ROR2: variants seen among roughly 807,000 people sequenced by gnomAD.
ROR2 encodes ROR family WNT receptor 2, also known as tyrosine-protein kinase transmembrane receptor ROR2.
A neutral mutation model predicts 74.9 loss-of-function variants in ROR2; 33 were observed. The ratio of observed to expected loss-of-function variants is 0.44; its 90% CI spans 0.33 to 0.59. The LOEUF (loss-of-function observed/expected upper bound fraction) is 0.59, where lower values mean the gene tolerates loss of function less well. Among genes scored for constraint, ROR2 ranks in the 20% least tolerant of loss-of-function variants. The pLI is 0.02. For synonymous variants in ROR2, 586 were observed against 558.7 expected (o/e 1.05, Z -0.69); for missense variants, 1,216 against 1,313.8 (o/e 0.93, Z 1.15).
At chr9:91,903,817 C>T (rs773579910) in intron 1 of ROR2, among the ~76,000 whole-genome samples, 1 of 152,110 alleles carries the variant, frequency 6.6e-6, no homozygotes, top group Non-Finnish European at 1.5e-5. Context: ...TGGAGAGAGT[C>T]CACGGCAATA....
intron 1 of ROR2, among the ~76,000 whole-genome samples, chr9:91,824,584 C>T (rs1476317024): frequency 3.3e-5 from 5 of 152,286 alleles, no homozygotes; most frequent in African/African-American, 7.2e-5. Flanking sequence ...AAACAGAGGA[C>T]GATGAAATGC....
At chr9:91,873,449 C>T (rs1050115880) in intron 1 of ROR2, among the ~76,000 whole-genome samples, 1 of 152,108 alleles carries the variant, frequency 6.6e-6, no homozygotes, top group Non-Finnish European at 1.5e-5. Flanking sequence ...ATTAGCCAGG[C>T]ATATGGTGGG....
At chr9:91,802,004 C>A (rs1289556842) in intron 1 of ROR2, among the ~76,000 whole-genome samples, 1 of 151,750 alleles carries the variant, frequency 6.6e-6, no homozygotes, top group Non-Finnish European at 1.5e-5. Flanking sequence ...GACTGACAGC[C>A]GAGCCCAAGC....
At chr9:91,869,592 A>G (rs923185588) in intron 1 of ROR2, among the ~76,000 whole-genome samples, 2 of 152,198 alleles carry the variant, frequency 1.3e-5, no homozygotes, top group African/African-American at 4.8e-5. Flanking sequence ...GTATGATTCC[A>G]CTATTGACAT....
intron 1 of ROR2, among the ~76,000 whole-genome samples, chr9:91,902,527 C>G (rs995063070): frequency 6.6e-6 from 1 of 152,102 alleles, no homozygotes; most frequent in Non-Finnish European, 1.5e-5. Flanking sequence ...CGCCTGAGAC[C>G]TCCTGAACTG....
intron 1 of ROR2, among the ~76,000 whole-genome samples, chr9:91,878,498 C>T (rs1830016061): frequency 6.6e-6 from 1 of 152,214 alleles, no homozygotes; most frequent in Non-Finnish European, 1.5e-5. Context: ...TTCTTGGACT[C>T]TTATTATAAA....
intron 1 of ROR2, among the ~76,000 whole-genome samples, chr9:91,795,117 C>T (rs1448702438): frequency 6.7e-6 from 1 of 149,710 alleles, no homozygotes; most frequent in Non-Finnish European, 1.5e-5. Context: ...GACTCCATCT[C>T]AATAGAAAAA....
chr9:91,929,300 G>T (rs1831489972), intron 1 of ROR2, among the ~76,000 whole-genome samples: 1 of 152,192 alleles, frequency 6.6e-6, no homozygotes, highest in Non-Finnish European at 1.5e-5. Context: ...CGCAAGGGAG[G>T]GGGGCACAGT....
chr9:91,725,182 G>A lies in ROR2; in HGVS notation c.1387-75C>T, dbSNP rs898208108. The A allele has an allele frequency of 2.0e-5, 32 of 1,602,584 alleles. No individual in the cohort carries two copies. In the African/African-American group the frequency reaches 4.0e-4, roughly 20 times the overall value. The stretch of plus-strand genomic sequence containing the variant: ...GGAGGAAGCTGCAGAGCAGCCGGGA[G>A]GAGTGGAGTCCCTGTGCGGCCACGA... On this transcript the variant is annotated intron_variant, in intron 8 of 8. Coordinates refer to ENST00000375708, the MANE Select transcript of ROR2 (RefSeq NM_004560.4).
intron 4 of ROR2, among the ~76,000 whole-genome samples, chr9:91,742,182 T>C (rs1320100992): frequency 6.6e-6 from 1 of 152,080 alleles, no homozygotes; most frequent in African/African-American, 2.4e-5. Context: ...GAAGCAAAAG[T>C]GGAAACCCCT....
chr9:91,884,155 A>G (rs370606818), intron 1 of ROR2, among the ~76,000 whole-genome samples: 2 of 152,138 alleles, frequency 1.3e-5, no homozygotes, highest in African/African-American at 4.8e-5. Context: ...GGTTTCACCA[A>G]TCTGATCATC....
At chr9:91,805,639 T>C (rs1206716295) in intron 1 of ROR2, among the ~76,000 whole-genome samples, 1 of 152,068 alleles carries the variant, frequency 6.6e-6, no homozygotes, top group Admixed American at 6.5e-5. Context: ...CATGTCTTCA[T>C]AGGATGGCAG....
Position 91,948,490 on chromosome 9 carries a change from G to T in ROR2, c.97+1377C>A, listed in dbSNP as rs966542729. 14 of 836,698 alleles carry T rather than the reference G, an allele frequency of 1.7e-5. No homozygotes were observed. The Admixed American group carries it at 1.9e-4, about 11-fold the overall frequency. The allele number at this position is 836,698 out of a possible 1,614,324, so 51.8% of individuals were successfully genotyped here. Reference sequence around the variant, plus strand: ...CGGTTTATGCTTTAATGCACAGTGAGATAAACGCAAGCTCCCTTCCCAAAT... The same window carrying T: ...CGGTTTATGCTTTAATGCACAGTGATATAAACGCAAGCTCCCTTCCCAAAT... On this transcript the variant is annotated intron_variant, in intron 1 of 8. Transcript: ENST00000375708.
At position 91,722,688 on chromosome 9, in the gene ROR2, G is replaced by C; in HGVS notation, c.*974C>G. 1 of 767,130 alleles carries C rather than the reference G, an allele frequency of 1.3e-6. No individual in the cohort carries two copies. Among genetic ancestry groups the C allele is most frequent in the Non-Finnish European group, 2.4e-6 (1 of 411,908 alleles). 47.5% of individuals were successfully genotyped at this position (767,130 alleles called of 1,614,324 possible). ...TGCGGGGCACAGACGGCTGCCTGTG[G>C]GTCTGTGTGTAACAGGGGCTGTAAA... On this transcript the variant is annotated 3_prime_UTR_variant, in exon 9 of 9. Transcript: ENST00000375708.
chr9:91,726,623 G>A lies in ROR2; in HGVS notation c.1304C>T (p.Ser435Phe), dbSNP rs750328974. Residue 435 changes from serine (S) to phenylalanine (F), a missense_variant, in exon 8 of 9, where the codon TCT becomes TTT. Coordinates refer to ENST00000375708, the MANE Select transcript of ROR2 (RefSeq NM_004560.4). ...VCMCRNKQKASASTPQRRQLM... is the reference protein window; with the variant it reads ...VCMCRNKQKAFASTPQRRQLM... ...CTGTCGCCGCTGCGGTGTGGACGCAGATGCCTTCTGCTTATTCCGGCACAT... is the reference window on the plus strand; with the variant it reads ...CTGTCGCCGCTGCGGTGTGGACGCAAATGCCTTCTGCTTATTCCGGCACAT... The A allele has an allele frequency of 5.7e-5, 92 of 1,613,938 alleles. No individual in the cohort carries two copies. Among genetic ancestry groups the A allele is most frequent in the Non-Finnish European group, 6.9e-5 (81 of 1,180,056 alleles).
intron 1 of ROR2, among the ~76,000 whole-genome samples, chr9:91,814,547 A>G (rs1163628299): frequency 2.0e-5 from 3 of 152,212 alleles, no homozygotes; most frequent in Non-Finnish European, 4.4e-5. Context: ...TAACATCACT[A>G]TAAGCGATAC....
chr9:91,803,732 C>CA (rs1368934635), intron 1 of ROR2, among the ~76,000 whole-genome samples: 4 of 152,120 alleles, frequency 2.6e-5, no homozygotes, highest in Non-Finnish European at 5.9e-5. Context: ...GGGGGGCCCA[C>CA]AGCCCTACGT....
At chr9:91,902,233 T>A (rs1027974148) in intron 1 of ROR2, among the ~76,000 whole-genome samples, 4 of 152,200 alleles carry the variant, frequency 2.6e-5, no homozygotes, top group Non-Finnish European at 5.9e-5. Context: ...TTTCTCAATT[T>A]TCCTTTAATT....
At chr9:91,793,761 CAAAA>C (rs58120050) in intron 1 of ROR2, among the ~76,000 whole-genome samples, 1 of 81,984 alleles carries the variant, frequency 1.2e-5, no homozygotes. Context: ...GACTCCGTTT[CAAAA>C]AAAAAAAAAA....
Sources: gnomAD v4.1 joint callset for allele counts (sites outside exome capture counted in the v4.1 genomes callset) on GRCh38, gnomAD v4.1.1 for gene constraint, MANE v1.5 for transcripts, NCBI Gene and HGNC (gene_info 2026-07-23, HGNC 2026-07-21) for gene names.